MAPT: variants seen among roughly 807,000 people sequenced by gnomAD.
MAPT encodes the protein microtubule-associated protein tau.
A neutral mutation model predicts 67.9 loss-of-function variants in MAPT; 34 were observed. That is an observed-to-expected ratio of 0.50 (90% CI 0.38 to 0.67). MAPT has a LOEUF of 0.67. Ranked by LOEUF, MAPT falls within the 30% of genes least tolerant of loss-of-function variation. The pLI is 0.00. For synonymous variants in MAPT, 456 were observed against 464.5 expected, an observed-to-expected ratio of 0.98 and a Z score of 0.23; for missense variants, 881 against 1,115.2, an observed-to-expected ratio of 0.79 and a Z score of 2.99.
At chr17:46,001,620 A>G (rs555224137) in intron 9 of MAPT, among the ~76,000 whole-genome samples, 56 of 152,288 alleles carry the variant, frequency 3.7e-4, no homozygotes, top group African/African-American at 1.3e-3. Flanking sequence ...CTATGATCAT[A>G]CCACTACACC....
chr17:45,968,255 A>T (rs1568251606), intron 2 of MAPT, among the ~76,000 whole-genome samples: 2 of 152,194 alleles, frequency 1.3e-5, no homozygotes. Flanking sequence ...CATGTTCAAG[A>T]TGTCTCATGT....
At chr17:45,953,422 C>A (rs73984648) in intron 1 of MAPT, among the ~76,000 whole-genome samples, 1 of 152,200 alleles carries the variant, frequency 6.6e-6, no homozygotes, top group South Asian at 2.1e-4. Flanking sequence ...CTCTTGCAAC[C>A]GAGTCTAATC....
chr17:45,978,221 G>C, intron 3 of MAPT, 154 bp from the exon 4 acceptor site: 1 of 713,568 alleles, frequency 1.4e-6, no homozygotes, highest in South Asian at 1.5e-5. Flanking sequence ...AATGACATTT[G>C]CAGAGAAGCC....
intron 1 of MAPT, among the ~76,000 whole-genome samples, chr17:45,900,928 G>A (rs893671995): frequency 1.3e-5 from 2 of 152,200 alleles, no homozygotes; most frequent in African/African-American, 4.8e-5. Flanking sequence ...CTCAGTAAAT[G>A]GCATCATCGG....
intron 1 of MAPT, among the ~76,000 whole-genome samples, chr17:45,914,723 CT>C (rs72448143): frequency 0.15 from 21,477 of 142,454 alleles, 1,784 homozygotes; most frequent in Middle Eastern, 0.23. Context: ...TACTTTTTAC[CT>C]TTTTTTTTTT....
chr17:46,005,240 A>G (rs546387261), intron 9 of MAPT, among the ~76,000 whole-genome samples: 17 of 152,344 alleles, frequency 1.1e-4, no homozygotes, highest in Middle Eastern at 3.4e-3. Flanking sequence ...AGAGTTAAAT[A>G]ACCCATGACA....
chr17:46,015,709 A>G (rs1301980108), intron 11 of MAPT, among the ~76,000 whole-genome samples: 2 of 152,138 alleles, frequency 1.3e-5, no homozygotes, highest in African/African-American at 4.8e-5. Flanking sequence ...AAAAACCTAA[A>G]AGAATATAAA....
intron 3 of MAPT, chr17:45,974,600 C>T (rs1186666010): frequency 4.1e-6 from 3 of 734,164 alleles, no homozygotes; most frequent in Non-Finnish European, 6.9e-6. Flanking sequence ...TGGATTCTGG[C>T]TCCTGGGAAT....
intron 3 of MAPT, chr17:45,974,538 C>T (rs1350366192): frequency 1.3e-5 from 16 of 1,270,452 alleles, no homozygotes; most frequent in Non-Finnish European, 1.8e-5. Context: ...TGACCTGTGA[C>T]AGAAGTGAGG....
In MAPT at chr17:46,024,249, C is replaced by T. The variant is rs1467728830; in HGVS notation, c.*78C>T. ...GGAAAAAAAAAGAATAATGACCCGG[C>T]CCCCGCCCTCTGCCCCCAGCTGCTC... On this transcript the variant is annotated 3_prime_UTR_variant, in exon 13 of 13. Transcript: ENST00000262410. 6 of 1,283,816 alleles carry T rather than the reference C, an allele frequency of 4.7e-6. No individual in the cohort carries two copies. The highest frequency in any genetic ancestry group is 2.9e-5 in the African/African-American group (2 of 68,126). 79.5% of individuals were successfully genotyped at this position (1,283,816 alleles called of 1,614,324 possible). A position where few individuals can be genotyped will look rare whatever the true frequency, so the allele number is the denominator to read the frequency against.
intron 12 of MAPT, among the ~76,000 whole-genome samples, chr17:46,021,305 A>G (rs1401851747): frequency 6.6e-6 from 1 of 152,224 alleles, no homozygotes; most frequent in Admixed American, 6.5e-5. Flanking sequence ...AGGAGGGACC[A>G]GGAGGCTGTC....
intron 1 of MAPT, among the ~76,000 whole-genome samples, chr17:45,912,537 GA>G (rs1210584873): frequency 2.0e-5 from 3 of 152,206 alleles, no homozygotes; most frequent in Admixed American, 1.3e-4. Context: ...AAAAGTCCAG[GA>G]ACCAATTCTC....
intron 1 of MAPT, among the ~76,000 whole-genome samples, chr17:45,928,758 C>T (rs932869367): frequency 7.9e-5 from 12 of 151,950 alleles, no homozygotes; most frequent in Non-Finnish European, 1.2e-4. Context: ...TGCAGTGGCG[C>T]GATCTTGGCT....
chr17:45,939,949 T>A (rs1467541666), intron 1 of MAPT, among the ~76,000 whole-genome samples: 1 of 152,206 alleles, frequency 6.6e-6, no homozygotes, highest in Non-Finnish European at 1.5e-5. Context: ...CTTTAGCATA[T>A]TTTTGCTCAT....
chr17:45,974,364 G>T, intron 3 of MAPT: 2 of 1,565,542 alleles, frequency 1.3e-6, no homozygotes. Context: ...CCCCTCTAAG[G>T]TGGATCTCGG....
chr17:45,987,053 T>G lies in MAPT; in HGVS notation c.1365T>G (p.Ser455Arg). 1 of 1,613,992 alleles carries G rather than the reference T, an allele frequency of 6.2e-7. No individual in the cohort carries two copies. The highest frequency in any genetic ancestry group is 1.1e-5 in the South Asian group (1 of 91,074). ...ATATTTTATCAGCTCGCATGGTCAG[T>G]AAAAGCAAAGACGGGACTGGAAGCG... is the stretch of plus-strand genomic sequence containing the variant. ...RVPQLKARMV[S>R]KSKDGTGSDD... The change falls in exon 6 of 13, where the codon AGT becomes AGG. Residue 455 changes from serine to arginine, a missense_variant. Physicochemically the swap from Ser to Arg is moderately radical, Grantham distance 110 (BLOSUM62 -1). Transcript: ENST00000262410.
rs943589956 is a variant in MAPT at position 45,926,977 on chromosome 17, G to GTA, written c.-18+32300_-18+32301dup. On this transcript the variant is annotated intron_variant, in intron 1 of 12. Coordinates refer to ENST00000262410, the MANE Select transcript of MAPT (RefSeq NM_001377265.1). ...TATGTGTATATATATACATATATGT[G>GTA]TATATATATACACACACATACACAT... Among the ~76,000 whole-genome samples the GTA allele has an allele frequency of 1.0e-4, 14 of 139,246 alleles. 1 individual carries two copies. Among genetic ancestry groups the GTA allele is most frequent in the Admixed American group, 7.3e-4 (10 of 13,736 alleles). The allele number at this position is 139,246 out of a possible 152,430, so 91.4% of individuals were successfully genotyped here. A position where few individuals can be genotyped will look rare whatever the true frequency, so the allele number is the denominator to read the frequency against.
chr17:45,958,072 G>A lies in MAPT; in HGVS notation c.-17-4249G>A, dbSNP rs190710755. Among the ~76,000 whole-genome samples the A allele has an allele frequency of 7.2e-5, 11 of 152,248 alleles. No homozygotes were observed. The East Asian group carries it at 1.9e-3, about 27-fold the overall frequency. On this transcript the variant is annotated intron_variant, in intron 1 of 12. Coordinates refer to ENST00000262410, the MANE Select transcript of MAPT (RefSeq NM_001377265.1). ...CAGATTGGTCTACAAATAGGCCTGG[G>A]TCCACTGACTTTAGCTGTTATATTT...
intron 6 of MAPT, among the ~76,000 whole-genome samples, chr17:45,988,347 G>A (rs989705758): frequency 6.6e-6 from 1 of 152,194 alleles, no homozygotes; most frequent in East Asian, 1.9e-4. Flanking sequence ...GAAACACTTC[G>A]AGGCTTAGCC....
Sources: allele counts gnomAD v4.1 joint callset (sites outside exome capture counted in the v4.1 genomes callset), GRCh38; gene constraint gnomAD v4.1.1; transcripts MANE v1.5; gene names NCBI Gene and HGNC (gene_info 2026-07-23, HGNC 2026-07-21).